TTN: variants seen among roughly 807,000 people sequenced by gnomAD.
The protein encoded by TTN is connectin.
Under a neutral mutation model 3,223.0 loss-of-function variants are expected in TTN, and 1,525 were observed. That is an observed-to-expected ratio of 0.47 (90% CI 0.45 to 0.49). The LOEUF is 0.49. Ranked by LOEUF, TTN falls within the 20% of genes least tolerant of loss-of-function variation. The pLI is 0.00. For missense variants in TTN, 40,786 were observed against 43,424.0 expected, an observed-to-expected ratio of 0.94 and a Z score of 5.40; for synonymous variants, 14,094 against 15,161.0, an observed-to-expected ratio of 0.93 and a Z score of 5.17.
At position 178,534,590 on chromosome 2, in the gene TTN, A is replaced by G. The variant is rs794727543; in HGVS notation, c.102025T>C (p.Leu34009=). ...WSLGTLVYVL[L]SGINPFLAET... ...GCCAGGAATGGGTTGATACCACTCA[A>G]TAGCACATATACCAGTGTTCCAAGT... is the stretch of plus-strand genomic sequence containing the variant. The change falls in exon 358 of 363, where the codon TTG becomes CTG. Residue 34009 remains leucine (L), a synonymous_variant. Coordinates refer to ENST00000589042, the MANE Select transcript of TTN (RefSeq NM_001267550.2). The G allele has an allele frequency of 8.7e-6, 14 of 1,613,800 alleles. No individual in the cohort carries two copies. The highest frequency in any genetic ancestry group is 3.3e-5 in the Admixed American group (2 of 60,006).
chr2:178,805,621 T>C (rs1042963854), intron 1 of TTN, among the ~76,000 whole-genome samples: 1 of 152,194 alleles, frequency 6.6e-6, no homozygotes, highest in Admixed American at 6.5e-5. Flanking sequence ...TTTCTTAACA[T>C]TTCTTCATAC....
intron 142 of TTN, 28 bp downstream of exon 142, chr2:178,679,311 A>C (rs1435906724): frequency 5.6e-6 from 9 of 1,608,628 alleles, no homozygotes; most frequent in Non-Finnish European, 5.1e-6. Context: ...TTATCATGCT[A>C]TTCCACTGAT....
Position 178,775,668 on chromosome 2 carries a change from G to T in TTN, c.6196C>A (p.Pro2066Thr), listed in dbSNP as rs774231211. 6.2e-7 allele frequency: 1 copy of T among 1,614,100 alleles called. No individual in the cohort carries two copies. The highest frequency in any genetic ancestry group is 8.5e-7 in the Non-Finnish European group (1 of 1,180,006). Residue 2066 changes from proline to threonine, a missense_variant, in exon 28 of 363, where the codon CCT becomes ACT. Pro to Thr is a conservative substitution (Grantham distance 38). Coordinates refer to ENST00000589042, the MANE Select transcript of TTN (RefSeq NM_001267550.2). ...CTAGGACTTAGTTCAATCTTGTCAG[G>T]TTTAAAAGTTGGAATCGTGATTTTG... is the stretch of plus-strand genomic sequence containing the variant. ...EGKITIPTFK[P>T]DKIELSPSME...
rs892095487 is a variant in TTN at position 178,590,051 on chromosome 2, G to A, written c.61674C>T (p.Ala20558=). ...IISAKNSSGH[A]QGSAIVNVLD... ...GGACGTTAACGATGGCTGAACCTTG[G>A]GCATGTCCACTGCTGTTCTTAGCTG... Residue 20558 remains alanine, a synonymous_variant, in exon 304 of 363, where the codon GCC becomes GCT. Coordinates refer to ENST00000589042, the MANE Select transcript of TTN (RefSeq NM_001267550.2). 9.3e-6 allele frequency: 15 copies of A among 1,613,098 alleles called. No individual in the cohort carries two copies. The highest frequency in any genetic ancestry group is 1.2e-5 in the Non-Finnish European group (14 of 1,179,450).
rs1057520961 is a variant in TTN, at chr2:178,679,901, T to C, written c.33573A>G (p.Pro11191=). The change falls in exon 140 of 363, where the codon CCA becomes CCG. Residue 11191 remains proline, a synonymous_variant. Transcript: ENST00000589042. ...GCAGGAGGCATCATCTACCTTTGAC[T>C]GGTATCACTGGCACCACTTCTTCCT... ...ITEEEVVPVI[P]VKVPEVPRKP... is the part of the protein sequence containing the mutation. 1.2e-6 allele frequency: 2 copies of C among 1,612,906 alleles called. No individual in the cohort carries two copies. The highest frequency in any genetic ancestry group is 1.3e-5 in the African/African-American group (1 of 74,858).
chr2:178,747,444 G>A (rs866227043), intron 47 of TTN: 2 of 1,613,356 alleles, frequency 1.2e-6, no homozygotes, highest in Non-Finnish European at 1.7e-6. Flanking sequence ...GTATAAAACT[G>A]ATCTAACTCA....
rs1689031111 is a variant in TTN, at chr2:178,531,340, C to T, written c.105275G>A (p.Ser35092Asn). Residue 35092 changes from serine to asparagine, a missense_variant, in exon 358 of 363, where the codon AGT becomes AAT. Coordinates refer to ENST00000589042, the MANE Select transcript of TTN (RefSeq NM_001267550.2). ...VKSQMTETRESLSSYEHSASA... is the reference protein window; with the variant it reads ...VKSQMTETRENLSSYEHSASA... The stretch of plus-strand genomic sequence containing the variant: ...TGCAGAGTGTTCATATGAGGAGAGA[C>T]TTTCCCTTGTCTCCGTCATCTGTGA... 16 of 1,614,046 alleles carry T rather than the reference C, an allele frequency of 9.9e-6. No individual in the cohort carries two copies. The highest frequency in any genetic ancestry group is 1.4e-5 in the Non-Finnish European group (16 of 1,179,898).
At position 178,567,363 on chromosome 2, in the gene TTN, T is replaced by C. The variant is rs537603440; in HGVS notation, c.78769A>G (p.Ile26257Val). 1.1e-5 allele frequency: 18 copies of C among 1,595,498 alleles called. No homozygotes were observed. In the East Asian group the frequency reaches 2.7e-4, roughly 24 times the overall value. Reference sequence around the variant, plus strand: ...ATATACTGCCCACCATCAATTCTAATTGCATCTTTTACAATAAGTAAAGCC... The same window carrying C: ...ATATACTGCCCACCATCAATTCTAACTGCATCTTTTACAATAAGTAAAGCC... ...FKALLIVKDA[I>V]RIDGGQYILR... The change falls in exon 326 of 363, where the codon ATT becomes GTT. Residue 26257 changes from isoleucine to valine, a missense_variant. Ile to Val is a conservative substitution (Grantham distance 29, BLOSUM62 3). Coordinates refer to ENST00000589042, the MANE Select transcript of TTN (RefSeq NM_001267550.2).
intron 214 of TTN, 116 bp from the exon 215 acceptor site, chr2:178,647,260 T>C: frequency 7.9e-7 from 1 of 1,258,852 alleles, no homozygotes; most frequent in Non-Finnish European, 1.1e-6. Flanking sequence ...ATTATTCAGA[T>C]GACCCCCCAA....
Position 178,609,719 on chromosome 2 carries a change from C to T in TTN, c.51704G>A (p.Arg17235Gln), listed in dbSNP as rs573695008. Residue 17235 changes from arginine to glutamine, a missense_variant, in exon 272 of 363, where the codon CGG becomes CAG. Transcript: ENST00000589042. ...ENAAGISEPS[R>Q]ATPPTKAVDP... is the part of the protein sequence containing the mutation. ...TACAGCTTTGGTTGGAGGAGTAGCC[C>T]GAGAAGGTTCACTAATACCCGCGGC... The T allele has an allele frequency of 4.5e-5, 73 of 1,607,018 alleles. No homozygotes were observed. In the East Asian group the frequency reaches 6.0e-4, roughly 13 times the overall value.
chr2:178,558,276 C>T, intron 327 of TTN, 41 bp from the exon 328 acceptor site: 1 of 1,589,544 alleles, frequency 6.3e-7, no homozygotes, highest in Non-Finnish European at 8.5e-7. Flanking sequence ...AAAAGTGTTT[C>T]TGAAAATTAA....
In TTN at chr2:178,692,542, C is replaced by A; in HGVS notation, c.31633G>T (p.Ala10545Ser). The change falls in exon 120 of 363, where the codon GCC (alanine) becomes TCC (serine). Residue 10545 changes from alanine to serine, a missense_variant. By Grantham distance (99) the Ala-to-Ser change is moderately conservative (BLOSUM62 1). Transcript: ENST00000589042. ...ACTTTTTTAGGGATAGGAACAGGGG[C>A]CACTTCTTCTGGAGCTGGTTTCTCA... ...LPEKPAPEEV[A>S]PVPIPKKVEP... 6.3e-7 allele frequency: 1 copy of A among 1,578,408 alleles called. No homozygotes were observed. The highest frequency in any genetic ancestry group is 1.9e-5 in the Admixed American group (1 of 53,890).
Position 178,598,826 on chromosome 2 carries a change from G to A in TTN, c.56884C>T (p.Arg18962Trp), listed in dbSNP as rs556286196. 20 of 1,613,306 alleles carry A rather than the reference G, an allele frequency of 1.2e-5. No individual in the cohort carries two copies. Among genetic ancestry groups the A allele is most frequent in the East Asian group, 1.1e-4 (5 of 44,764 alleles). The change falls in exon 291 of 363, where the codon CGG (arginine) becomes TGG (tryptophan). Residue 18962 changes from arginine (R) to tryptophan (W), a missense_variant. By Grantham distance (101) the Arg-to-Trp change is moderately radical. Coordinates refer to ENST00000589042, the MANE Select transcript of TTN (RefSeq NM_001267550.2). The part of the protein sequence containing the change: ...GLIEGSDYQF[R>W]VYAINAAGVG... ...CCAGCAGCATTGATTGCATATACCC[G>A]GAATTGATAGTCGGAACCTTCAATA...
Position 178,756,751 on chromosome 2 carries a change from G to A in TTN, c.10725C>T (p.Ser3575=). 1 of 1,613,736 alleles carries A rather than the reference G, an allele frequency of 6.2e-7. No homozygotes were observed. The highest frequency in any genetic ancestry group is 8.5e-7 in the Non-Finnish European group (1 of 1,179,782). ...AATCTGCCACTGCCTGGGACTTGGT[G>A]GACTCTCTTACATCTTTCCCAGAAC... The part of the protein sequence containing the change: ...RQSSGKDVRE[S]TKSQAVADSS... The change falls in exon 46 of 363, where the codon TCC becomes TCT. Residue 3575 remains serine, a synonymous_variant. Transcript: ENST00000589042.
chr2:178,769,003 A>G (rs2091020434), intron 37 of TTN, 70 bp from the exon 38 acceptor site: 8 of 1,576,780 alleles, frequency 5.1e-6, no homozygotes, highest in Non-Finnish European at 6.9e-6. Context: ...TAACAGGTGC[A>G]GAATAAAAAT....
intron 159 of TTN, among the ~76,000 whole-genome samples, chr2:178,668,071 T>G (rs1015604965): frequency 3.3e-5 from 5 of 152,206 alleles, no homozygotes; most frequent in Non-Finnish European, 5.9e-5. Flanking sequence ...AATTGCACAT[T>G]GAGAATTCTC....
rs2094316033 is a variant in TTN at position 178,806,282 on chromosome 2, GT to G, written c.-14+929del. On this transcript the variant is annotated intron_variant, in intron 1 of 362. Transcript: ENST00000589042. ...TGTGTCTAACTTTGTCTGTTTATAAGTTAGTATATCTAAAAATAGCTGTCCT... is the reference window on the plus strand; with the variant it reads ...TGTGTCTAACTTTGTCTGTTTATAAGTAGTATATCTAAAAATAGCTGTCCT... Among the ~76,000 whole-genome samples the G allele has an allele frequency of 3.3e-5, 5 of 152,244 alleles. No homozygotes were observed. The South Asian group carries it at 1.0e-3, about 32-fold the overall frequency.
At position 178,610,220 on chromosome 2, in the gene TTN, G is replaced by T. The variant is rs1290588810; in HGVS notation, c.51306C>A (p.Asn17102Lys). ...RTYIPVMSGE[N>K]KLSWTVKDLI... ...GATCCTTCACAGTCCATGACAGTTT[G>T]TTCTCACCAGACATGACTGGTATAT... Residue 17102 changes from asparagine to lysine, a missense_variant, in exon 271 of 363, where the codon AAC becomes AAA. Physicochemically the swap from Asn to Lys is moderately conservative, Grantham distance 94. Coordinates refer to ENST00000589042, the MANE Select transcript of TTN (RefSeq NM_001267550.2). 4 of 1,612,980 alleles carry T rather than the reference G, an allele frequency of 2.5e-6. No individual in the cohort carries two copies. The highest frequency in any genetic ancestry group is 3.4e-6 in the Non-Finnish European group (4 of 1,179,282).
Position 178,794,490 on chromosome 2 carries a change from G to A in TTN, c.1307C>T (p.Ala436Val), listed in dbSNP as rs781488193. 1.2e-6 allele frequency: 2 copies of A among 1,614,182 alleles called. No homozygotes were observed. The highest frequency in any genetic ancestry group is 1.7e-5 in the Admixed American group (1 of 60,026). The change falls in exon 8 of 363, where the codon GCC (alanine) becomes GTC (valine). Residue 436 changes from alanine (A) to valine (V), a missense_variant. By Grantham distance (64) the Ala-to-Val change is moderately conservative. Transcript: ENST00000589042. ...GCTGATCACTGGTTCTCTCACTCTGGCCATATCAACGGCAGCAACAACAGT... is the reference window on the plus strand; with the variant it reads ...GCTGATCACTGGTTCTCTCACTCTGACCATATCAACGGCAGCAACAACAGT... Reference protein sequence around the residue: ...VATVVAAVDMARVREPVISAV... With the variant: ...VATVVAAVDMVRVREPVISAV...
Sources: allele counts gnomAD v4.1 joint callset (sites outside exome capture counted in the v4.1 genomes callset), GRCh38; gene constraint gnomAD v4.1.1; transcripts MANE v1.5; gene names NCBI Gene and HGNC (gene_info 2026-07-23, HGNC 2026-07-21).